DCTN6: variants seen among roughly 807,000 people sequenced by gnomAD.
The protein encoded by DCTN6 is dynactin subunit 6.
DCTN6 carries 15 observed loss-of-function variants against 25.8 expected under a neutral mutation model. That is an observed-to-expected ratio of 0.58 (90% confidence interval 0.39 to 0.89). DCTN6 has a LOEUF of 0.89. Among genes scored for constraint, DCTN6 ranks in the 40% least tolerant of loss-of-function variants. DCTN6 has a pLI of 0.00. For missense variants in DCTN6, 198 were observed against 237.6 expected (o/e 0.83, Z 1.09); for synonymous variants, 64 against 78.3 (o/e 0.82, Z 0.96).
chr8:30,161,218 T>G (rs969107472), intron 1 of DCTN6, among the ~76,000 whole-genome samples: 10 of 152,158 alleles, frequency 6.6e-5, no homozygotes, highest in Admixed American at 3.3e-4. Flanking sequence ...CTGCTTCCCC[T>G]TTACCTTCCG....
chr8:30,156,406 G>A lies in DCTN6; in HGVS notation c.23G>A (p.Ser8Asn). The change falls in exon 1 of 7, where the codon AGT becomes AAT. Residue 8 changes from serine to asparagine, a missense_variant and splice_region_variant. Coordinates refer to ENST00000221114, the MANE Select transcript of DCTN6 (RefSeq NM_006571.4). ...ACCATGGCGGAGAAGACTCAAAAGA[G>A]GTGGGTTTGCTGCTTGAGAAAAGCC... MAEKTQK[S>N]VKIAPGAVVC... 1 of 1,604,806 alleles carries A rather than the reference G, an allele frequency of 6.2e-7. No individual in the cohort carries two copies. The highest frequency in any genetic ancestry group is 8.5e-7 in the Non-Finnish European group (1 of 1,175,626).
At chr8:30,176,312 G>A (rs944370923) in intron 3 of DCTN6, among the ~76,000 whole-genome samples, 2 of 151,776 alleles carry the variant, frequency 1.3e-5, no homozygotes, top group African/African-American at 2.4e-5. Context: ...GGCAGATCAC[G>A]AGGTCAGGAG....
intron 4 of DCTN6, among the ~76,000 whole-genome samples, chr8:30,177,966 A>T (rs1326628117): frequency 6.6e-6 from 1 of 152,206 alleles, no homozygotes. Context: ...GACAGTAAAC[A>T]TAGAAGCAGC....
chr8:30,182,814 C>A (rs1391531146), intron 6 of DCTN6, among the ~76,000 whole-genome samples: 1 of 151,866 alleles, frequency 6.6e-6, no homozygotes, highest in African/African-American at 2.4e-5. Flanking sequence ...TGCACCCCTG[C>A]CGCCCTGCTT....
intron 1 of DCTN6, among the ~76,000 whole-genome samples, chr8:30,158,701 CTTT>C (rs5890500): frequency 4.0e-5 from 4 of 99,000 alleles, no homozygotes; most frequent in African/African-American, 1.1e-4. Flanking sequence ...AGTAGATTGA[CTTT>C]TTTTTTTTTT....
At chr8:30,183,032 C>A in intron 6 of DCTN6, 43 bp from the exon 7 acceptor site, 1 of 1,576,350 alleles carries the variant, frequency 6.3e-7, no homozygotes, top group South Asian at 1.1e-5. Flanking sequence ...GTACTCTTGA[C>A]TTTGCTTTCT....
intron 1 of DCTN6, among the ~76,000 whole-genome samples, chr8:30,159,841 A>T (rs1318168160): frequency 6.6e-6 from 1 of 151,304 alleles, no homozygotes; most frequent in Non-Finnish European, 1.5e-5. Flanking sequence ...AGCTCACTGC[A>T]ACCTCTACCT....
At chr8:30,158,944 G>T (rs140863891) in intron 1 of DCTN6, among the ~76,000 whole-genome samples, 1,904 of 151,960 alleles carry the variant, frequency 0.013, 37 homozygotes, top group East Asian at 0.055. Context: ...ACCACACCTG[G>T]CTAATTTTTG....
chr8:30,171,042 G>T (rs1476969266), intron 2 of DCTN6, among the ~76,000 whole-genome samples: 1 of 152,058 alleles, frequency 6.6e-6, no homozygotes, highest in Non-Finnish European at 1.5e-5. Context: ...TAAGAAATTT[G>T]TATTACTTAG....
rs1803846188 is a variant in DCTN6 at position 30,177,123 on chromosome 8, C to T, written c.195-3C>T. 4 of 1,607,790 alleles carry T rather than the reference C, an allele frequency of 2.5e-6. No homozygotes were observed. The South Asian group carries it at 3.3e-5, about 13-fold the overall frequency. On this transcript the variant is annotated splice_region_variant and splice_polypyrimidine_tract_variant and intron_variant, in intron 3 of 6. Transcript: ENST00000221114. Reference sequence around the variant, plus strand: ...TTGGATGATTTGTTTCTTCTGTTTACAGTTACCCAGATAATATCACTCCTG... The same window carrying T: ...TTGGATGATTTGTTTCTTCTGTTTATAGTTACCCAGATAATATCACTCCTG...
At chr8:30,164,263 T>G (rs1803636113) in intron 2 of DCTN6, 88 bp downstream of exon 2, 11 of 1,000,752 alleles carry the variant, frequency 1.1e-5, no homozygotes, top group Non-Finnish European at 1.4e-5. Context: ...TCTTCCATGT[T>G]TATTTCACTG....
At chr8:30,168,344 T>C (rs1046279736) in intron 2 of DCTN6, among the ~76,000 whole-genome samples, 2 of 152,224 alleles carry the variant, frequency 1.3e-5, no homozygotes, top group African/African-American at 4.8e-5. Context: ...CTCAAGTCTT[T>C]TGGCTTCTAT....
intron 4 of DCTN6, among the ~76,000 whole-genome samples, chr8:30,178,471 A>AAC (rs1803873268): frequency 9.6e-6 from 1 of 103,778 alleles, no homozygotes; most frequent in Admixed American, 1.2e-4. Context: ...CAAAAAGATT[A>AAC]AAAAAAAAAA....
At chr8:30,167,865 A>T (rs940191062) in intron 2 of DCTN6, among the ~76,000 whole-genome samples, 3 of 151,906 alleles carry the variant, frequency 2.0e-5, no homozygotes, top group African/African-American at 7.3e-5. Context: ...CACTTGGCTA[A>T]TTTTTTTGTA....
chr8:30,156,557 A>AG (rs1803528030), intron 1 of DCTN6, 151 bp downstream of exon 1: 2 of 767,196 alleles, frequency 2.6e-6, no homozygotes, highest in East Asian at 3.1e-5. Context: ...CCACTGAGGG[A>AG]GGGGGCGACG....
At chr8:30,182,558 T>C (rs554569794) in intron 6 of DCTN6, among the ~76,000 whole-genome samples, 43 of 151,898 alleles carry the variant, frequency 2.8e-4, no homozygotes, top group African/African-American at 9.4e-4. Flanking sequence ...ATAAAATCTG[T>C]TGGCTTTTTC....
At chr8:30,180,192 C>T (rs1010971451) in intron 5 of DCTN6, among the ~76,000 whole-genome samples, 2 of 152,086 alleles carry the variant, frequency 1.3e-5, no homozygotes, top group African/African-American at 2.4e-5. Context: ...CACATTTATT[C>T]CTTAAACTGT....
intron 5 of DCTN6, 53 bp downstream of exon 5, chr8:30,179,508 T>G: frequency 6.6e-7 from 1 of 1,510,662 alleles, no homozygotes; most frequent in South Asian, 1.2e-5. Context: ...TTTCTCTTTG[T>G]GGTGTCCTGG....
At chr8:30,164,290 G>A in intron 2 of DCTN6, 115 bp downstream of exon 2, 1 of 828,406 alleles carries the variant, frequency 1.2e-6, no homozygotes, top group South Asian at 1.5e-5. Flanking sequence ...TAGTTTTATT[G>A]ACAAAATAAT....
Sources: gnomAD v4.1 joint callset for allele counts (sites outside exome capture counted in the v4.1 genomes callset) on GRCh38, gnomAD v4.1.1 for gene constraint, MANE v1.5 for transcripts, NCBI Gene and HGNC (gene_info 2026-07-23, HGNC 2026-07-21) for gene names.